Variants in MYO16 observed in about 807,000 individuals in gnomAD.
MYO16 encodes unconventional myosin-XVI.
Under a neutral mutation model 205.3 loss-of-function variants are expected in MYO16, and 94 were observed. The ratio of observed to expected loss-of-function variants is 0.46; its 90% CI spans 0.39 to 0.54. The LOEUF (loss-of-function observed/expected upper bound fraction) is 0.54. Among genes scored for constraint, MYO16 ranks in the 20% least tolerant of loss-of-function variants. The pLI, the probability that MYO16 is intolerant of heterozygous loss-of-function variation, is 0.00. For synonymous variants in MYO16, 988 were observed against 954.0 expected (o/e 1.04, Z -0.66); for missense variants, 2,315 against 2,387.5 (o/e 0.97, Z 0.63).
the MYO16 span, among the ~76,000 whole-genome samples, chr13:108,580,374 G>A: frequency 1.3e-5 from 2 of 152,086 alleles, no homozygotes; most frequent in Non-Finnish European, 2.9e-5. Flanking sequence ...GGTTTTTCTC[G>A]ATTTACCAAC....
Position 109,150,423 on chromosome 13 carries a change from C to T in MYO16, c.5164+9047C>T, listed in dbSNP as rs575119289. Among the ~76,000 whole-genome samples the T allele has an allele frequency of 1.1e-4, 16 of 152,010 alleles. 1 individual carries two copies. Among genetic ancestry groups the T allele is most frequent in the African/African-American group, 2.9e-4 (12 of 41,456 alleles). On this transcript the variant is annotated intron_variant, in intron 32 of 34. Coordinates refer to ENST00000457511, the MANE Select transcript of MYO16 (RefSeq NM_001198950.3). ...ATGCCACTTCATTATTCTTTGAAAC[C>T]GAGGAGCAAAACCAAGCAGAAGGTT...
chr13:109,077,643 T>C (rs1339866693), intron 27 of MYO16, among the ~76,000 whole-genome samples: 1 of 152,226 alleles, frequency 6.6e-6, no homozygotes. Context: ...TGTCTTGCAC[T>C]TTTTCCAAGA....
chr13:109,153,099 G>C (rs374247606), intron 32 of MYO16, among the ~76,000 whole-genome samples: 1 of 152,086 alleles, frequency 6.6e-6, no homozygotes, highest in Admixed American at 6.5e-5. Context: ...CATGACGCTC[G>C]TTCAACACTG....
intron 4 of MYO16, among the ~76,000 whole-genome samples, chr13:108,750,616 G>A (rs1433184194): frequency 4.0e-4 from 52 of 129,618 alleles, no homozygotes; most frequent in South Asian, 5.2e-4. Context: ...TAAAACTACA[G>A]AAAAAAAAAA....
At chr13:109,021,957 T>C (rs573649798) in intron 23 of MYO16, among the ~76,000 whole-genome samples, 2 of 151,616 alleles carry the variant, frequency 1.3e-5, no homozygotes, top group African/African-American at 4.8e-5. Flanking sequence ...GATATGGTAG[T>C]TAGGCTAAAC....
At chr13:108,977,359 G>A (rs1303009516) in intron 20 of MYO16, among the ~76,000 whole-genome samples, 1 of 152,052 alleles carries the variant, frequency 6.6e-6, no homozygotes, top group Non-Finnish European at 1.5e-5. Flanking sequence ...TGAGATATAT[G>A]TTTAGAATTT....
chr13:108,582,254 T>C, the MYO16 span, among the ~76,000 whole-genome samples: 1 of 152,184 alleles, frequency 6.6e-6, no homozygotes, highest in Non-Finnish European at 1.5e-5. Flanking sequence ...GAAAGTATAT[T>C]GAGCTGGATG....
intron 15 of MYO16, among the ~76,000 whole-genome samples, chr13:108,909,234 T>C (rs1881148013): frequency 6.6e-6 from 1 of 152,062 alleles, no homozygotes; most frequent in African/African-American, 2.4e-5. Flanking sequence ...TCAACTACTA[T>C]CAAATAAATT....
chr13:108,714,435 C>T (rs893206857), intron 3 of MYO16, among the ~76,000 whole-genome samples: 2 of 152,094 alleles, frequency 1.3e-5, no homozygotes, highest in African/African-American at 4.8e-5. Flanking sequence ...ATGAACATAT[C>T]AGTGCAAGTC....
In MYO16 at chr13:109,082,285, A is replaced by C. The variant is rs1466805404; in HGVS notation, c.3336-18500A>C. Among the ~76,000 whole-genome samples, 3 of 152,244 alleles carry C rather than the reference A, an allele frequency of 2.0e-5. No individual in the cohort carries two copies. In the East Asian group the frequency reaches 5.8e-4, roughly 29 times the overall value. ...CTCCAGACACTGCCAGATGCCCTTG[A>C]GGAAGGTAACATCACTCCTCTTTAA... On this transcript the variant is annotated intron_variant, in intron 27 of 34. Coordinates refer to ENST00000457511, the MANE Select transcript of MYO16 (RefSeq NM_001198950.3).
intron 22 of MYO16, among the ~76,000 whole-genome samples, chr13:109,013,414 C>T (rs1885685517): frequency 6.6e-6 from 1 of 152,020 alleles, no homozygotes; most frequent in South Asian, 2.1e-4. Flanking sequence ...TGAATAGTGC[C>T]ACAATAAACA....
At chr13:109,075,932 C>T (rs1423879078) in intron 27 of MYO16, among the ~76,000 whole-genome samples, 1 of 152,152 alleles carries the variant, frequency 6.6e-6, no homozygotes, top group Non-Finnish European at 1.5e-5. Context: ...AGAGAAGCCA[C>T]TTGGGTATGA....
intron 3 of MYO16, 117 bp from the exon 4 acceptor site, chr13:108,727,323 T>A (rs564010061): frequency 9.6e-7 from 1 of 1,044,056 alleles, no homozygotes; most frequent in Non-Finnish European, 1.4e-6. Context: ...CCAGGTTAGC[T>A]TCACCTCTCA....
At chr13:108,733,085 A>G (rs1404648220) in intron 4 of MYO16, among the ~76,000 whole-genome samples, 3 of 152,196 alleles carry the variant, frequency 2.0e-5, no homozygotes, top group African/African-American at 7.2e-5. Context: ...CCATAAAAAT[A>G]ATTTTATTGA....
intron 2 of MYO16, among the ~76,000 whole-genome samples, chr13:108,697,011 C>T (rs1021051165): frequency 2.7e-5 from 4 of 150,822 alleles, no homozygotes; most frequent in Admixed American, 6.6e-5. Flanking sequence ...CCCTTCTACT[C>T]ATCTTCCATG....
intron 12 of MYO16, among the ~76,000 whole-genome samples, chr13:108,880,152 A>C (rs547168362): frequency 6.0e-4 from 92 of 152,254 alleles, no homozygotes; most frequent in African/African-American, 2.0e-3. Flanking sequence ...TGGCTGCATA[A>C]ATGTCTTCTT....
chr13:108,964,657 G>A, intron 19 of MYO16, 104 bp from the exon 20 acceptor site: 1 of 1,203,614 alleles, frequency 8.3e-7, no homozygotes, highest in South Asian at 1.5e-5. Context: ...TACATCACTT[G>A]TCTTGTGGAT....
At chr13:108,834,262 C>A (rs1200799479) in intron 9 of MYO16, among the ~76,000 whole-genome samples, 3 of 152,084 alleles carry the variant, frequency 2.0e-5, no homozygotes, top group Admixed American at 6.6e-5. Flanking sequence ...GGTGATTAAG[C>A]CATGGGCATT....
intron 28 of MYO16, among the ~76,000 whole-genome samples, chr13:109,103,689 C>T (rs1264550485): frequency 1.3e-5 from 2 of 152,152 alleles, no homozygotes; most frequent in Non-Finnish European, 2.9e-5. Context: ...GAGATGGTAA[C>T]TCTGTAATTC....
Sources: gnomAD v4.1 joint callset for allele counts (sites outside exome capture counted in the v4.1 genomes callset) on GRCh38, gnomAD v4.1.1 for gene constraint, MANE v1.5 for transcripts, NCBI Gene and HGNC (gene_info 2026-07-23, HGNC 2026-07-21) for gene names.